Variants in LOC400499 observed in about 807,000 individuals in gnomAD.
chr16:11,386,255 T>G, the LOC400499 span, among the ~76,000 whole-genome samples: 1 of 151,772 alleles, frequency 6.6e-6, no homozygotes, highest in African/African-American at 2.4e-5. Flanking sequence ...GGCTTGGGGG[T>G]GGGGGTGCCC....
At chr16:11,413,121 G>C in the LOC400499 span, among the ~76,000 whole-genome samples, 1 of 152,184 alleles carries the variant, frequency 6.6e-6, no homozygotes, top group Non-Finnish European at 1.5e-5. Context: ...TACAGGGCCG[G>C]AGTCAGCCCC....
chr16:11,462,920 C>T, the LOC400499 span, among the ~76,000 whole-genome samples: 79 of 152,276 alleles, frequency 5.2e-4, no homozygotes, highest in African/African-American at 1.8e-3. Flanking sequence ...CAGCTGGAGC[C>T]CCGGTCATCG....
chr16:11,421,406 G>C, the LOC400499 span, among the ~76,000 whole-genome samples: 63 of 151,424 alleles, frequency 4.2e-4, no homozygotes, highest in African/African-American at 1.5e-3. Context: ...TATTTTTTGT[G>C]TTGTTTTTTT....
the LOC400499 span, among the ~76,000 whole-genome samples, chr16:11,400,602 A>T: frequency 6.6e-6 from 1 of 151,860 alleles, no homozygotes. Flanking sequence ...CACCACACCC[A>T]GCTAATTTTT....
the LOC400499 span, among the ~76,000 whole-genome samples, chr16:11,483,634 G>C: frequency 6.6e-6 from 1 of 151,800 alleles, no homozygotes; most frequent in Non-Finnish European, 1.5e-5. Flanking sequence ...GAGAGGCCAA[G>C]GCAGGAGGAT....
At chr16:11,409,971 GA>G in the LOC400499 span, among the ~76,000 whole-genome samples, 5 of 152,242 alleles carry the variant, frequency 3.3e-5, no homozygotes, top group African/African-American at 4.8e-5. Flanking sequence ...TAAAACTTGG[GA>G]AAAAACTAAG....
chr16:11,471,600 C>T, the LOC400499 span: 3 of 398,896 alleles, frequency 7.5e-6, no homozygotes, highest in Non-Finnish European at 1.3e-5. Flanking sequence ...CAGGGCTGAC[C>T]TAAGGAGATC....
chr16:11,456,876 G>A, the LOC400499 span: 1 of 1,536,242 alleles, frequency 6.5e-7, no homozygotes, highest in Admixed American at 2.0e-5. Context: ...CTTCCACAGG[G>A]TGGCCCGAGA....
the LOC400499 span, among the ~76,000 whole-genome samples, chr16:11,406,264 T>C: frequency 6.6e-6 from 1 of 152,218 alleles, no homozygotes; most frequent in Non-Finnish European, 1.5e-5. Context: ...AGTGAGAACA[T>C]GTGATACTGG....
chr16:11,496,260 T>C, the LOC400499 span, among the ~76,000 whole-genome samples: 2 of 151,940 alleles, frequency 1.3e-5, no homozygotes, highest in African/African-American at 4.8e-5. Flanking sequence ...AGAGATGGGG[T>C]TTCACCATAT....
At chr16:11,498,409 G>T in the LOC400499 span, among the ~76,000 whole-genome samples, 5 of 152,174 alleles carry the variant, frequency 3.3e-5, no homozygotes, top group African/African-American at 1.2e-4. Context: ...TTGAACCCGG[G>T]AGGTGGAGGT....
chr16:11,426,287 T>C, the LOC400499 span, among the ~76,000 whole-genome samples: 1 of 152,004 alleles, frequency 6.6e-6, no homozygotes, highest in African/African-American at 2.4e-5. Flanking sequence ...AATATAAAAA[T>C]TAGCCAGGTG....
the LOC400499 span, among the ~76,000 whole-genome samples, chr16:11,519,347 T>C: frequency 6.6e-6 from 1 of 152,084 alleles, no homozygotes; most frequent in African/African-American, 2.4e-5. Flanking sequence ...ATGGGGTGTG[T>C]GTGGTGGATG....
the LOC400499 span, among the ~76,000 whole-genome samples, chr16:11,373,300 G>A: frequency 9.9e-5 from 15 of 152,274 alleles, no homozygotes; most frequent in Non-Finnish European, 1.5e-4. Context: ...CCAGGCAAAG[G>A]AAGTGCCCTT....
chr16:11,397,584 T>C, the LOC400499 span, among the ~76,000 whole-genome samples: 17 of 152,184 alleles, frequency 1.1e-4, no homozygotes, highest in Non-Finnish European at 2.2e-4. Flanking sequence ...GTAAATACTT[T>C]TACTGGAATA....
chr16:11,494,557 G>T, the LOC400499 span: 1 of 398,452 alleles, frequency 2.5e-6, no homozygotes, highest in South Asian at 1.3e-4. Context: ...CGGTACTCAG[G>T]ACACTGGATG....
At chr16:11,454,309 T>C in the LOC400499 span, among the ~76,000 whole-genome samples, 1 of 152,236 alleles carries the variant, frequency 6.6e-6, no homozygotes, top group Non-Finnish European at 1.5e-5. Flanking sequence ...GGTTAACTTG[T>C]GTTCCCCCAA....
chr16:11,476,671 C>G, the LOC400499 span: 2 of 398,966 alleles, frequency 5.0e-6, no homozygotes, highest in Non-Finnish European at 8.8e-6. Flanking sequence ...TGATCACACA[C>G]TCACATGCAT....
chr16:11,409,740 T>C, the LOC400499 span, among the ~76,000 whole-genome samples: 1 of 152,248 alleles, frequency 6.6e-6, no homozygotes, highest in South Asian at 2.1e-4. Flanking sequence ...GTAATTACCG[T>C]GTTAAATCAG....
Sources: allele counts gnomAD v4.1 joint callset (sites outside exome capture counted in the v4.1 genomes callset), GRCh38; gene constraint gnomAD v4.1.1; transcripts MANE v1.5.